Variants in FER observed in about 807,000 individuals in gnomAD.
The protein encoded by FER is FER tyrosine kinase.
FER carries 63 observed loss-of-function variants against 111.0 expected under a neutral mutation model. That is an observed-to-expected ratio of 0.57 (90% confidence interval 0.46 to 0.70). The LOEUF is 0.70. Among genes scored for constraint, FER ranks in the 30% least tolerant of loss-of-function variants. FER has a pLI of 0.00. For synonymous variants in FER, 327 were observed against 313.9 expected, an observed-to-expected ratio of 1.04 and a Z score of -0.44; for missense variants, 914 against 954.0, an observed-to-expected ratio of 0.96 and a Z score of 0.55.
chr5:108,983,034 A>C (rs181308395), intron 13 of FER, among the ~76,000 whole-genome samples: 4 of 152,198 alleles, frequency 2.6e-5, no homozygotes, highest in Non-Finnish European at 5.9e-5. Context: ...GATGGCAAAG[A>C]TGGTATATAT....
rs557115144 is a variant in FER, at chr5:108,990,988, T to C, written c.1656+31641T>C. Reference sequence around the variant, plus strand: ...TGTTGAGAATTAGAATGAATATGTATTTGCATATTGTGCTTCTGAGTTTGA... The same window carrying C: ...TGTTGAGAATTAGAATGAATATGTACTTGCATATTGTGCTTCTGAGTTTGA... On this transcript the variant is annotated intron_variant, in intron 13 of 19. Transcript: ENST00000281092. 2.0e-5 allele frequency among the ~76,000 whole-genome samples: 3 copies of C among 151,846 alleles called. No homozygotes were observed. In the East Asian group the frequency reaches 5.8e-4, roughly 29 times the overall value.
At chr5:109,104,974 A>C (rs1582049024) in intron 17 of FER, among the ~76,000 whole-genome samples, 1 of 152,016 alleles carries the variant, frequency 6.6e-6, no homozygotes, top group East Asian at 1.9e-4. Flanking sequence ...CAATCTCCTG[A>C]CCTCGTGATC....
chr5:108,785,815 C>T (rs1754653268), intron 2 of FER, among the ~76,000 whole-genome samples: 1 of 152,184 alleles, frequency 6.6e-6, no homozygotes, highest in African/African-American at 2.4e-5. Flanking sequence ...GTCTGTGTGG[C>T]CTTCTTCACT....
intron 16 of FER, among the ~76,000 whole-genome samples, chr5:109,083,189 C>T (rs1241508327): frequency 6.6e-6 from 1 of 152,000 alleles, no homozygotes; most frequent in Non-Finnish European, 1.5e-5. Context: ...TGAGAAAGCT[C>T]TTCATTTATT....
At chr5:108,967,120 C>T (rs1342955041) in intron 13 of FER, among the ~76,000 whole-genome samples, 1 of 152,144 alleles carries the variant, frequency 6.6e-6, no homozygotes, top group Non-Finnish European at 1.5e-5. Flanking sequence ...CTTGGCCTGC[C>T]CGGGCCAACC....
intron 17 of FER, among the ~76,000 whole-genome samples, chr5:109,146,445 C>G (rs1160307120): frequency 6.6e-6 from 1 of 150,794 alleles, no homozygotes; most frequent in African/African-American, 2.4e-5. Flanking sequence ...GTTACTGACT[C>G]AAGTATTATT....
intron 17 of FER, among the ~76,000 whole-genome samples, chr5:109,127,550 C>T (rs909697594): frequency 3.9e-5 from 6 of 151,986 alleles, no homozygotes; most frequent in South Asian, 2.1e-4. Context: ...ATTACAGGCA[C>T]GCGCCACCAC....
chr5:108,799,831 G>C (rs925430392), intron 3 of FER, among the ~76,000 whole-genome samples: 9 of 146,198 alleles, frequency 6.2e-5, no homozygotes, highest in Admixed American at 4.1e-4. Context: ...TATCCCTCTT[G>C]TTTTCTTTTC....
rs1233817568 is a variant in FER, at chr5:109,192,401, G to C, written c.*4826G>C. ...GATCAGCAGAACTAAAGCAAAAGCA[G>C]TCATCTCCAGTGTGTGGGCCTTAGC... On this transcript the variant is annotated 3_prime_UTR_variant, in exon 20 of 20. Transcript: ENST00000281092. 1 of 152,190 alleles carries C rather than the reference G, an allele frequency of 6.6e-6. No individual in the cohort carries two copies. Among genetic ancestry groups the C allele is most frequent in the Non-Finnish European group, 1.5e-5 (1 of 68,050 alleles). The allele number at this position is 152,190 out of a possible 1,614,324, so 9.4% of individuals were successfully genotyped here.
intron 2 of FER, among the ~76,000 whole-genome samples, chr5:108,779,005 A>G (rs1580474176): frequency 7.2e-6 from 1 of 139,828 alleles, no homozygotes; most frequent in Non-Finnish European, 1.6e-5. Flanking sequence ...ATCTGTGTCT[A>G]GGCTCTTTTT....
intron 3 of FER, among the ~76,000 whole-genome samples, chr5:108,817,526 G>T (rs1758411769): frequency 6.6e-6 from 1 of 152,154 alleles, no homozygotes; most frequent in African/African-American, 2.4e-5. Context: ...GGTGTAGTCT[G>T]CAGTGAAAAG....
In FER at chr5:108,922,022, T is replaced by A. The variant is rs113263655; in HGVS notation, c.1237-24108T>A. ...TAATCCAGTGTGACTGGTGCCCTTATAAGAAGAGAAGAGAGGCTGACATAC... is the reference window on the plus strand; with the variant it reads ...TAATCCAGTGTGACTGGTGCCCTTAAAAGAAGAGAAGAGAGGCTGACATAC... On this transcript the variant is annotated intron_variant, in intron 10 of 19. Transcript: ENST00000281092. Among the ~76,000 whole-genome samples, 1,298 of 152,176 alleles carry A rather than the reference T, an allele frequency of 8.5e-3. 22 individuals are homozygous for A. The highest frequency in any genetic ancestry group is 0.03 in the African/African-American group (1,228 of 41,522).
rs1356525285 is a variant in FER, at chr5:109,186,315, A to G, written c.2319A>G (p.Val773=). 1.2e-6 allele frequency: 2 copies of G among 1,614,100 alleles called. No homozygotes were observed. Among genetic ancestry groups the G allele is most frequent in the Non-Finnish European group, 1.7e-6 (2 of 1,179,972 alleles). ...CAAATCAGCAAGCAAGAGAGCAAGT[A>G]GAAAGAGGTGAGCCAAGTACATTCA... ...GMTNQQAREQ[V]ERGYRMSAPQ... The change falls in exon 19 of 20, where the codon GTA becomes GTG. Residue 773 remains valine, a synonymous_variant. Coordinates refer to ENST00000281092, the MANE Select transcript of FER (RefSeq NM_005246.4).
At position 108,748,228 on chromosome 5, in the gene FER, T is replaced by C. The variant is rs11750408; in HGVS notation, c.-206+228T>C. On this transcript the variant is annotated intron_variant, in intron 1 of 19. Coordinates refer to ENST00000281092, the MANE Select transcript of FER (RefSeq NM_005246.4). ...CAGATACAAGTAAAACGTGGGAACG[T>C]ACAGGAAAAAGTGACCAATTCTGAG... Among the ~76,000 whole-genome samples, 1,216 of 152,316 alleles carry C rather than the reference T, an allele frequency of 8.0e-3. 13 individuals are homozygous for C. The highest frequency in any genetic ancestry group is 0.041 in the Middle Eastern group (12 of 294).
chr5:109,028,388 T>G (rs1409749615), intron 13 of FER, among the ~76,000 whole-genome samples: 1 of 152,214 alleles, frequency 6.6e-6, no homozygotes, highest in Non-Finnish European at 1.5e-5. Context: ...AAACTTAAAA[T>G]AGAATTTATA....
intron 1 of FER, among the ~76,000 whole-genome samples, chr5:108,767,877 CA>C (rs1251693105): frequency 1.5e-4 from 23 of 152,138 alleles, no homozygotes; most frequent in Non-Finnish European, 3.1e-4. Flanking sequence ...GAGAAGGTAA[CA>C]ATACATTACT....
intron 17 of FER, among the ~76,000 whole-genome samples, chr5:109,137,577 C>G (rs946108891): frequency 2.0e-5 from 3 of 152,146 alleles, no homozygotes; most frequent in African/African-American, 4.8e-5. Context: ...AAGGGGAAAT[C>G]TAGCTCATAA....
intron 2 of FER, among the ~76,000 whole-genome samples, chr5:108,774,847 G>T (rs972402858): frequency 2.0e-5 from 3 of 151,902 alleles, no homozygotes; most frequent in Admixed American, 1.3e-4. Flanking sequence ...TAGGTTGCCT[G>T]TTCACTCTGA....
At chr5:109,152,996 T>C (rs1029639227) in intron 17 of FER, among the ~76,000 whole-genome samples, 1 of 151,848 alleles carries the variant, frequency 6.6e-6, no homozygotes, top group Non-Finnish European at 1.5e-5. Context: ...AAAAAGAGTA[T>C]GGAAGAAGAT....
Sources: gnomAD v4.1 joint callset for allele counts (sites outside exome capture counted in the v4.1 genomes callset) on GRCh38, gnomAD v4.1.1 for gene constraint, MANE v1.5 for transcripts, NCBI Gene and HGNC (gene_info 2026-07-23, HGNC 2026-07-21) for gene names.